PLCH2: variants seen among roughly 807,000 people sequenced by gnomAD.
PLCH2 encodes the protein phospholipase C eta 2.
PLCH2 carries 98 observed loss-of-function variants against 134.7 expected under a neutral mutation model. That is an observed-to-expected ratio of 0.73 (90% CI 0.62 to 0.86). The LOEUF is 0.86. PLCH2 is among the 40% of genes least tolerant of loss of function. The pLI is 0.00. For missense variants in PLCH2, 1,994 were observed against 1,986.6 expected (o/e 1.00, Z -0.07); for synonymous variants, 974 against 827.5 (o/e 1.18, Z -3.04).
At chr1:2,421,952 C>T (rs1481956856), upstream of PLCH2, among the ~76,000 whole-genome samples, 6 of 149,176 alleles carry the variant, frequency 4.0e-5, no homozygotes, top group African/African-American at 9.9e-5. Flanking sequence ...CCAGCCCAGG[C>T]GACGGAGCAA....
At chr1:2,427,197 G>C (rs756631894) in intron 1 of PLCH2, among the ~76,000 whole-genome samples, 2 of 152,208 alleles carry the variant, frequency 1.3e-5, no homozygotes, top group Admixed American at 6.5e-5. Flanking sequence ...GGGGCCCACC[G>C]GGTGGAGCTC....
chr1:2,487,296 T>A lies in PLCH2; in HGVS notation c.1034T>A (p.Leu345His). ...YFITSSHNTY[L>H]VGDQLMSQSR... ...ATCACCTCGTCCCACAACACCTACC[T>A]CGTGGGTGACCAGCTCATGTCCCAG... The change falls in exon 7 of 22, where the codon CTC becomes CAC. Residue 345 changes from leucine (L) to histidine (H), a missense_variant. By Grantham distance (99) the Leu-to-His change is moderately conservative. Transcript: ENST00000378486. 1 of 1,613,774 alleles carries A rather than the reference T, an allele frequency of 6.2e-7. No homozygotes were observed. Among genetic ancestry groups the A allele is most frequent in the Non-Finnish European group, 8.5e-7 (1 of 1,179,868 alleles).
At position 2,504,505 on chromosome 1, in the gene PLCH2, C is replaced by G. The variant is rs1271446269; in HGVS notation, c.3543C>G (p.Pro1181=). The G allele has an allele frequency of 6.2e-7, 1 of 1,612,458 alleles. No homozygotes were observed. Reference sequence around the variant, plus strand: ...CTGGAGCCCACATGGGACGCCTGCCCCCCAGGCCCCACTCGGCTTCGGCTG... The same window carrying G: ...CTGGAGCCCACATGGGACGCCTGCCGCCCAGGCCCCACTCGGCTTCGGCTG... ...NLAGAHMGRL[P]PRPHSASAAR... is the part of the protein sequence containing the mutation. Residue 1181 remains proline (P), a synonymous_variant, in exon 22 of 22, where the codon CCC becomes CCG. Transcript: ENST00000378486.
chr1:2,479,717 C>G lies in PLCH2; in HGVS notation c.272-17C>G. Reference sequence around the variant, plus strand: ...GGCCCCCGGGGACCTGACCCGTGCTCCCTCCCCACCCCGCAGTCTCCATCG... The same window carrying G: ...GGCCCCCGGGGACCTGACCCGTGCTGCCTCCCCACCCCGCAGTCTCCATCG... On this transcript the variant is annotated splice_polypyrimidine_tract_variant and intron_variant, in intron 2 of 21. Coordinates refer to ENST00000378486, the MANE Select transcript of PLCH2 (RefSeq NM_014638.4). 6.6e-7 allele frequency: 1 copy of G among 1,526,590 alleles called. No homozygotes were observed. Among genetic ancestry groups the G allele is most frequent in the Middle Eastern group, 1.9e-4 (1 of 5,154 alleles). 94.6% of individuals were successfully genotyped at this position (1,526,590 alleles called of 1,614,324 possible).
the PLCH2 span, among the ~76,000 whole-genome samples, chr1:2,420,525 G>A: frequency 2.0e-5 from 3 of 152,092 alleles, no homozygotes; most frequent in Non-Finnish European, 2.9e-5. Context: ...GGGGAGTCCC[G>A]GAGCTGGACC....
intron 2 of PLCH2, among the ~76,000 whole-genome samples, chr1:2,442,170 C>T (rs1057047363): frequency 6.6e-6 from 1 of 152,060 alleles, no homozygotes; most frequent in African/African-American, 2.4e-5. Flanking sequence ...CAATAGACTG[C>T]TTGGGGGAGT....
chr1:2,469,408 T>C (rs1467974127), intron 1 of PLCH2, among the ~76,000 whole-genome samples: 1 of 152,178 alleles, frequency 6.6e-6, no homozygotes, highest in Non-Finnish European at 1.5e-5. Flanking sequence ...GAACAGTCCT[T>C]ACAGACTCCA....
rs1027812968 is a variant in PLCH2 at position 2,476,449 on chromosome 1, T to C, written c.-140T>C. On this transcript the variant is annotated 5_prime_UTR_variant, in exon 1 of 22. Transcript: ENST00000378486. ...GCCCTGTGGGGGCTTCGGAGGGCCC[T>C]GAGGAGGAGGAGGAAGAGGCAGAGG... 3.7e-6 allele frequency: 3 copies of C among 817,802 alleles called. No homozygotes were observed. The highest frequency in any genetic ancestry group is 5.5e-6 in the Non-Finnish European group (3 of 548,292). The allele number at this position is 817,802 out of a possible 1,614,324, so 50.7% of individuals were successfully genotyped here. A position where few individuals can be genotyped will look rare whatever the true frequency, so the allele number is the denominator to read the frequency against.
chr1:2,462,975 C>T (rs532085459), upstream of PLCH2, among the ~76,000 whole-genome samples: 29 of 152,300 alleles, frequency 1.9e-4, no homozygotes, highest in African/African-American at 6.5e-4. Context: ...ACACGGAATT[C>T]GCTTTGATGT....
At chr1:2,474,069 C>T (rs1402457265), upstream of PLCH2, among the ~76,000 whole-genome samples, 1 of 152,230 alleles carries the variant, frequency 6.6e-6, no homozygotes, top group Non-Finnish European at 1.5e-5. Context: ...TGGCCGGGCC[C>T]TGGCTCAGGG....
chr1:2,458,493 G>A (rs1358238534), intron 2 of PLCH2, among the ~76,000 whole-genome samples: 5 of 152,162 alleles, frequency 3.3e-5, no homozygotes, highest in South Asian at 2.1e-4. Context: ...GCCGGGGAAC[G>A]GGTGCCAGGC....
At chr1:2,456,152 G>A (rs1338063043) in intron 2 of PLCH2, among the ~76,000 whole-genome samples, 1 of 152,202 alleles carries the variant, frequency 6.6e-6, no homozygotes, top group African/African-American at 2.4e-5. Flanking sequence ...GGGAGGCCCA[G>A]CTTGTCCCTT....
In PLCH2 at chr1:2,504,631, C is replaced by T. The variant is rs1178317815; in HGVS notation, c.3669C>T (p.Ser1223=). 6.2e-7 allele frequency: 1 copy of T among 1,612,694 alleles called. No homozygotes were observed. The change falls in exon 22 of 22, where the codon TCC becomes TCT. Residue 1223 remains serine (S), a synonymous_variant. Coordinates refer to ENST00000378486, the MANE Select transcript of PLCH2 (RefSeq NM_014638.4). ...TACCTGACGAACTGCAGCCCAGGTC[C>T]CTGGCCCCAAGGATGGCTGGCCTCC... ...PPIPDELQPR[S]LAPRMAGLPF...
chr1:2,490,314 G>A (rs530347789), intron 10 of PLCH2, among the ~76,000 whole-genome samples: 1 of 152,160 alleles, frequency 6.6e-6, no homozygotes, highest in Non-Finnish European at 1.5e-5. Context: ...AGCCACCCCC[G>A]TGGCCAGTGC....
At chr1:2,434,205 G>A (rs1048002833) in intron 2 of PLCH2, among the ~76,000 whole-genome samples, 1 of 152,256 alleles carries the variant, frequency 6.6e-6, no homozygotes, top group Non-Finnish European at 1.5e-5. Flanking sequence ...TGTGCCAGGG[G>A]CCGGCGGGGG....
intron 2 of PLCH2, among the ~76,000 whole-genome samples, chr1:2,457,450 T>G (rs1214128315): frequency 6.6e-6 from 1 of 152,176 alleles, no homozygotes; most frequent in African/African-American, 2.4e-5. Flanking sequence ...CTGCAGCTTC[T>G]CGCCAGGGTT....
At chr1:2,494,530 G>A (rs1642767890) in intron 11 of PLCH2, 4 of 446,694 alleles carry the variant, frequency 9.0e-6, no homozygotes, top group Non-Finnish European at 8.3e-6. Context: ...ACCACTGGTG[G>A]GAAAAAAGGA....
At chr1:2,440,333 C>G (rs1037440471) in intron 2 of PLCH2, among the ~76,000 whole-genome samples, 16 of 152,250 alleles carry the variant, frequency 1.1e-4, no homozygotes, top group African/African-American at 3.6e-4. Context: ...CGGGGTTGCC[C>G]CCAGGAGCAC....
intron 20 of PLCH2, chr1:2,500,074 G>A (rs948443033): frequency 1.4e-5 from 5 of 361,426 alleles, no homozygotes; most frequent in Non-Finnish European, 2.6e-5. Context: ...AGCAGGGACC[G>A]AGTGATGCCC....
Sources: gnomAD v4.1 joint callset for allele counts (sites outside exome capture counted in the v4.1 genomes callset) on GRCh38, gnomAD v4.1.1 for gene constraint, MANE v1.5 for transcripts, NCBI Gene and HGNC (gene_info 2026-07-23, HGNC 2026-07-21) for gene names.